Variants in SEMA3C observed in about 807,000 individuals in gnomAD.
SEMA3C encodes semaphorin 3C.
SEMA3C carries 47 observed loss-of-function variants against 89.4 expected under a neutral mutation model. The observed-to-expected ratio is 0.53, with a 90% CI of 0.42 to 0.67. SEMA3C has a LOEUF of 0.67. Ranked by LOEUF, SEMA3C falls within the 30% of genes least tolerant of loss-of-function variation. The probability of loss-of-function intolerance (pLI) is 0.00; values close to 1 mark genes in which losing one functional copy is unlikely to be tolerated. For missense variants in SEMA3C, 839 were observed against 929.1 expected, an observed-to-expected ratio of 0.90 and a Z score of 1.26; for synonymous variants, 310 against 320.2, an observed-to-expected ratio of 0.97 and a Z score of 0.34.
chr7:80,905,512 G>A (rs1258809467), intron 2 of SEMA3C, among the ~76,000 whole-genome samples: 1 of 152,038 alleles, frequency 6.6e-6, no homozygotes, highest in Non-Finnish European at 1.5e-5. Flanking sequence ...GGAATTTGGA[G>A]GTAAAGAAAA....
At chr7:80,896,074 C>T (rs1791730059) in intron 2 of SEMA3C, among the ~76,000 whole-genome samples, 1 of 151,958 alleles carries the variant, frequency 6.6e-6, no homozygotes, top group African/African-American at 2.4e-5. Flanking sequence ...GTAATATCCC[C>T]ATAGTAGTCT....
intron 5 of SEMA3C, among the ~76,000 whole-genome samples, chr7:80,816,986 A>G (rs1211408104): frequency 6.6e-6 from 1 of 152,244 alleles, no homozygotes; most frequent in Non-Finnish European, 1.5e-5. Flanking sequence ...CACAGACTTC[A>G]GGGAAGTGTC....
rs549287168 is a variant in SEMA3C, at chr7:80,765,799, A to T, written c.1355-556T>A. Among the ~76,000 whole-genome samples the T allele has an allele frequency of 4.1e-4, 62 of 152,126 alleles. No homozygotes were observed. In the South Asian group the frequency reaches 5.0e-3, roughly 12 times the overall value. ...TCACCATGTTAGCCAGGATGGTCTC[A>T]ATCTCCTGATCTCATGATGCGCCCA... On this transcript the variant is annotated intron_variant, in intron 12 of 17. Transcript: ENST00000265361.
chr7:80,859,698 A>G (rs772490485), intron 2 of SEMA3C, among the ~76,000 whole-genome samples: 8 of 152,224 alleles, frequency 5.3e-5, no homozygotes, highest in Non-Finnish European at 8.8e-5. Flanking sequence ...CTGTTGCCAC[A>G]GTCTGCTGAC....
At position 80,744,885 on chromosome 7, in the gene SEMA3C, A is replaced by G. The variant is rs1253653349; in HGVS notation, c.*9T>C. On this transcript the variant is annotated 3_prime_UTR_variant, in exon 18 of 18. Transcript: ENST00000265361. ...GTTAATGGAAGCATAAGACCCACATAAGAAAATATTATGACTCTGGCAACT... is the reference window on the plus strand; with the variant it reads ...GTTAATGGAAGCATAAGACCCACATGAGAAAATATTATGACTCTGGCAACT... 3.7e-6 allele frequency: 6 copies of G among 1,613,704 alleles called. No homozygotes were observed. In the African/African-American group the frequency reaches 6.7e-5, roughly 18 times the overall value.
In SEMA3C at chr7:80,818,377, A is replaced by G; in HGVS notation, c.369T>C (p.Asn123=). Residue 123 remains asparagine (N), a synonymous_variant, in exon 5 of 18, where the codon AAT becomes AAC. Coordinates refer to ENST00000265361, the MANE Select transcript of SEMA3C (RefSeq NM_006379.5). ...TCCCACAGACATACAAATGTGTGCG[A>G]TTGAAAGTCTGAATTACACGGACAA... is the stretch of plus-strand genomic sequence containing the variant. ...GNFVRVIQTF[N]RTHLYVCGSG... 1 of 1,613,514 alleles carries G rather than the reference A, an allele frequency of 6.2e-7. No individual in the cohort carries two copies. The highest frequency in any genetic ancestry group is 1.7e-5 in the Admixed American group (1 of 60,020).
chr7:80,808,958 G>A (rs999330709), intron 6 of SEMA3C, among the ~76,000 whole-genome samples: 1 of 152,082 alleles, frequency 6.6e-6, no homozygotes, highest in Non-Finnish European at 1.5e-5. Context: ...TGTATTTTTA[G>A]TAGAGACAGA....
intron 2 of SEMA3C, among the ~76,000 whole-genome samples, chr7:80,863,331 C>G (rs1337417319): frequency 7.1e-6 from 1 of 141,286 alleles, no homozygotes; most frequent in African/African-American, 2.6e-5. Flanking sequence ...TGGCCATAAT[C>G]AAAATATTAA....
intron 12 of SEMA3C, among the ~76,000 whole-genome samples, chr7:80,780,639 T>C (rs1788669228): frequency 6.6e-6 from 1 of 152,138 alleles, no homozygotes; most frequent in African/African-American, 2.4e-5. Flanking sequence ...ATCCCAGCAC[T>C]TTGGGAGGCT....
intron 4 of SEMA3C, among the ~76,000 whole-genome samples, chr7:80,824,191 T>C (rs1583913060): frequency 6.6e-6 from 1 of 152,308 alleles, no homozygotes; most frequent in East Asian, 1.9e-4. Flanking sequence ...GCAGTATGGA[T>C]TTTAATTGCT....
At chr7:80,798,490 C>A (rs1789120265) in intron 10 of SEMA3C, among the ~76,000 whole-genome samples, 1 of 152,086 alleles carries the variant, frequency 6.6e-6, no homozygotes, top group Admixed American at 6.6e-5. Flanking sequence ...TTCCAAAATA[C>A]AGGACAACTC....
chr7:80,776,709 T>C (rs1293493268), intron 12 of SEMA3C, among the ~76,000 whole-genome samples: 1 of 152,216 alleles, frequency 6.6e-6, no homozygotes, highest in African/African-American at 2.4e-5. Context: ...TACTGAAGTT[T>C]TAAAAATATA....
At chr7:80,906,363 C>T (rs1429614943) in intron 2 of SEMA3C, among the ~76,000 whole-genome samples, 1 of 152,120 alleles carries the variant, frequency 6.6e-6, no homozygotes, top group Non-Finnish European at 1.5e-5. Flanking sequence ...CATCTAAGTG[C>T]TCATGGCACT....
intron 2 of SEMA3C, among the ~76,000 whole-genome samples, chr7:80,874,371 T>C (rs1293736191): frequency 6.6e-6 from 1 of 152,196 alleles, no homozygotes; most frequent in Non-Finnish European, 1.5e-5. Context: ...ATTATATCCA[T>C]GTGATAAGTA....
upstream of SEMA3C, chr7:80,919,246 G>A (rs564410983): frequency 1.5e-5 from 15 of 985,202 alleles, no homozygotes; most frequent in African/African-American, 8.7e-5. Context: ...AGCCGCGGGG[G>A]CGGACCGGGC....
At position 80,743,192 on chromosome 7, in the gene SEMA3C, A is replaced by C. The variant is rs1228467523; in HGVS notation, c.*1702T>G. 1 of 151,932 alleles carries C rather than the reference A, an allele frequency of 6.6e-6. No individual in the cohort carries two copies. The highest frequency in any genetic ancestry group is 1.9e-4 in the East Asian group (1 of 5,196). 9.4% of individuals were successfully genotyped at this position (151,932 alleles called of 1,614,324 possible). A position where few individuals can be genotyped will look rare whatever the true frequency, so the allele number is the denominator to read the frequency against. ...AAACTGCTTTAGAAATTACTTTAAA[A>C]TTATACACATTTGGAACAACAGATT... On this transcript the variant is annotated 3_prime_UTR_variant, in exon 18 of 18. Coordinates refer to ENST00000265361, the MANE Select transcript of SEMA3C (RefSeq NM_006379.5).
intron 2 of SEMA3C, among the ~76,000 whole-genome samples, chr7:80,874,297 T>C (rs1001063322): frequency 8.5e-5 from 13 of 152,314 alleles, no homozygotes; most frequent in African/African-American, 2.6e-4. Context: ...TTTTCTCACA[T>C]GGTCTAGGCT....
At chr7:80,821,248 C>G (rs1789738933) in intron 4 of SEMA3C, among the ~76,000 whole-genome samples, 1 of 152,076 alleles carries the variant, frequency 6.6e-6, no homozygotes, top group Admixed American at 6.5e-5. Flanking sequence ...AGGTTTTTAC[C>G]ATAACTCAGT....
intron 2 of SEMA3C, among the ~76,000 whole-genome samples, chr7:80,855,476 C>T (rs1227071451): frequency 1.3e-5 from 2 of 152,024 alleles, no homozygotes; most frequent in African/African-American, 4.8e-5. Flanking sequence ...CGCTATGTTG[C>T]CCAGGCTGGT....
Sources: gnomAD v4.1 joint callset for allele counts (sites outside exome capture counted in the v4.1 genomes callset) on GRCh38, gnomAD v4.1.1 for gene constraint, MANE v1.5 for transcripts, NCBI Gene and HGNC (gene_info 2026-07-23, HGNC 2026-07-21) for gene names.